The following DNAJC13 variants were observed in gnomAD, a reference collection of about 807,000 sequenced individuals.
DNAJC13 encodes dnaJ homolog subfamily C member 13.
Under a neutral mutation model 290.5 loss-of-function variants are expected in DNAJC13, and 75 were observed. The observed-to-expected ratio is 0.26, with a 90% CI of 0.21 to 0.31. The LOEUF (loss-of-function observed/expected upper bound fraction) is 0.31. Ranked by LOEUF, DNAJC13 falls within the 10% of genes least tolerant of loss-of-function variation. The pLI is 1.00. For synonymous variants in DNAJC13, 862 were observed against 892.0 expected, an observed-to-expected ratio of 0.97 and a Z score of 0.60; for missense variants, 2,260 against 2,674.5, an observed-to-expected ratio of 0.85 and a Z score of 3.42.
chr3:132,445,549 T>A (rs1024173026), intron 2 of DNAJC13, among the ~76,000 whole-genome samples: 6 of 152,096 alleles, frequency 3.9e-5, no homozygotes, highest in African/African-American at 1.4e-4. Flanking sequence ...AGGTTTCTTC[T>A]GTCTTGAAAT....
intron 2 of DNAJC13, among the ~76,000 whole-genome samples, chr3:132,436,291 A>G (rs908961902): frequency 2.6e-5 from 4 of 152,174 alleles, no homozygotes; most frequent in African/African-American, 4.8e-5. Context: ...AACATCTTAT[A>G]TAAATAGAAT....
At chr3:132,463,561 T>C in intron 16 of DNAJC13, 135 bp from the exon 17 acceptor site, 1 of 962,640 alleles carries the variant, frequency 1.0e-6, no homozygotes, top group Non-Finnish European at 1.5e-6. Flanking sequence ...TTTGGGTGAT[T>C]AGAAGATGCA....
intron 46 of DNAJC13, among the ~76,000 whole-genome samples, chr3:132,515,160 C>G (rs1935884160): frequency 6.6e-6 from 1 of 152,114 alleles, no homozygotes; most frequent in South Asian, 2.1e-4. Context: ...TATATAATTA[C>G]CTAGTCTAAT....
intron 4 of DNAJC13, 132 bp from the exon 5 acceptor site, chr3:132,447,766 T>C: frequency 1.3e-6 from 1 of 750,172 alleles, no homozygotes; most frequent in South Asian, 1.7e-5. Context: ...ATTCTTAAAC[T>C]ATAACTTGAA....
At chr3:132,473,671 A>C (rs1211627615) in intron 21 of DNAJC13, among the ~76,000 whole-genome samples, 4 of 151,582 alleles carry the variant, frequency 2.6e-5, no homozygotes, top group Non-Finnish European at 5.9e-5. Flanking sequence ...CTTACCCTGC[A>C]CCCCCTTCCT....
intron 44 of DNAJC13, among the ~76,000 whole-genome samples, chr3:132,512,782 G>A (rs946432803): frequency 6.6e-5 from 10 of 152,102 alleles, no homozygotes; most frequent in African/African-American, 2.4e-4. Context: ...TAGGGGTGGG[G>A]ATGGGAATGA....
chr3:132,519,617 AT>A, intron 48 of DNAJC13, among the ~76,000 whole-genome samples: 1 of 151,404 alleles, frequency 6.6e-6, no homozygotes, highest in South Asian at 2.1e-4. Context: ...GATCCAGTTT[AT>A]TTTTTGTTTG....
At chr3:132,466,963 C>T (rs1264362065) in intron 19 of DNAJC13, among the ~76,000 whole-genome samples, 2 of 152,198 alleles carry the variant, frequency 1.3e-5, no homozygotes, top group East Asian at 3.8e-4. Flanking sequence ...CTTGCCACCC[C>T]TCATAAAAGA....
intron 20 of DNAJC13, among the ~76,000 whole-genome samples, chr3:132,471,345 A>G (rs1394216919): frequency 3.9e-5 from 3 of 77,046 alleles, no homozygotes; most frequent in Non-Finnish European, 8.6e-5. Context: ...CGGGGGGTTG[A>G]CCCCCCCCCA....
At chr3:132,425,123 C>A (rs1218938108) in intron 1 of DNAJC13, among the ~76,000 whole-genome samples, 1 of 152,034 alleles carries the variant, frequency 6.6e-6, no homozygotes, top group Admixed American at 6.6e-5. Flanking sequence ...ACAAACAAAC[C>A]TAGATCCTCA....
intron 51 of DNAJC13, 136 bp from the exon 52 acceptor site, chr3:132,525,474 G>A (rs914706084): frequency 2.5e-6 from 2 of 803,462 alleles, no homozygotes; most frequent in Non-Finnish European, 3.9e-6. Flanking sequence ...GTTCTCTTAG[G>A]ATTAGTGAAT....
intron 1 of DNAJC13, among the ~76,000 whole-genome samples, chr3:132,422,035 C>CA (rs1938974008): frequency 7.0e-6 from 1 of 143,536 alleles, no homozygotes; most frequent in African/African-American, 2.6e-5. Flanking sequence ...TTTCTTTTTC[C>CA]TTTTTTTTTT....
intron 1 of DNAJC13, among the ~76,000 whole-genome samples, chr3:132,421,113 G>T (rs541550439): frequency 6.6e-6 from 1 of 152,326 alleles, no homozygotes; most frequent in South Asian, 2.1e-4. Context: ...AGGAAAAAAA[G>T]TTATAAGATG....
chr3:132,521,919 C>T (rs953631530), intron 48 of DNAJC13, among the ~76,000 whole-genome samples: 9 of 152,156 alleles, frequency 5.9e-5, no homozygotes, highest in African/African-American at 2.2e-4. Flanking sequence ...TCTGAAGCAA[C>T]TGACATGATT....
chr3:132,428,218 T>G (rs1483134677), intron 1 of DNAJC13, among the ~76,000 whole-genome samples: 1 of 152,236 alleles, frequency 6.6e-6, no homozygotes, highest in Non-Finnish European at 1.5e-5. Context: ...TTTTCTGATC[T>G]TTGTGCATTG....
At chr3:132,500,994 A>G in intron 39 of DNAJC13, 81 bp downstream of exon 39, 1 of 1,480,100 alleles carries the variant, frequency 6.8e-7, no homozygotes, top group Non-Finnish European at 9.1e-7. Context: ...ATGTATAAGC[A>G]CATTGTTTTC....
At chr3:132,463,562 AG>A in intron 16 of DNAJC13, 133 bp from the exon 17 acceptor site, 1 of 963,004 alleles carries the variant, frequency 1.0e-6, no homozygotes, top group South Asian at 2.1e-5. Flanking sequence ...TTGGGTGATT[AG>A]AAGATGCATT....
Position 132,528,255 on chromosome 3 carries a change from G to T in DNAJC13, c.6448G>T (p.Asp2150Tyr). 2 of 1,614,146 alleles carry T rather than the reference G, an allele frequency of 1.2e-6. No individual in the cohort carries two copies. Among genetic ancestry groups the T allele is most frequent in the South Asian group, 2.2e-5 (2 of 91,078 alleles). Residue 2150 changes from aspartate to tyrosine, a missense_variant, in exon 54 of 56, where the codon GAC becomes TAC. Physicochemically the swap from Asp to Tyr is radical, Grantham distance 160. Coordinates refer to ENST00000260818, the MANE Select transcript of DNAJC13 (RefSeq NM_015268.4). ...CGAAGGCATTGGCCTTGAAAACCTG[G>T]ACAGCCCAGCAGCCACTAAGGCTCA... ...LLEGIGLENL[D>Y]SPAATKAQIV...
In DNAJC13 at chr3:132,461,223, T is replaced by G; in HGVS notation, c.1713+18T>G. 1 of 1,613,442 alleles carries G rather than the reference T, an allele frequency of 6.2e-7. No individual in the cohort carries two copies. The highest frequency in any genetic ancestry group is 8.5e-7 in the Non-Finnish European group (1 of 1,179,490). On this transcript the variant is annotated intron_variant, in intron 15 of 55. Coordinates refer to ENST00000260818, the MANE Select transcript of DNAJC13 (RefSeq NM_015268.4). ...TTTTTCAGGTGAGAGCTTGTATTTTTCTTGTCAGATAACAGTGAATTTAAG... is the reference window on the plus strand; with the variant it reads ...TTTTTCAGGTGAGAGCTTGTATTTTGCTTGTCAGATAACAGTGAATTTAAG...
Sources: gnomAD v4.1 joint callset for allele counts (sites outside exome capture counted in the v4.1 genomes callset) on GRCh38, gnomAD v4.1.1 for gene constraint, MANE v1.5 for transcripts, NCBI Gene and HGNC (gene_info 2026-07-23, HGNC 2026-07-21) for gene names.